The following NUBP1 variants were observed in gnomAD, a reference collection of about 807,000 sequenced individuals.
NUBP1 encodes cytosolic Fe-S cluster assembly factor NUBP1.
Under a neutral mutation model 41.8 loss-of-function variants are expected in NUBP1, and 46 were observed. That is an observed-to-expected ratio of 1.10 (90% CI 0.87 to 1.41). The LOEUF (loss-of-function observed/expected upper bound fraction) is 1.41. NUBP1 is among the 40% of genes most tolerant of loss of function. The pLI, the probability that NUBP1 is intolerant of heterozygous loss-of-function variation, is 0.00. For missense variants in NUBP1, 494 were observed against 414.0 expected (o/e 1.19, Z -1.68); for synonymous variants, 189 against 154.6 (o/e 1.22, Z -1.65).
At chr16:10,743,916 G>GA in intron 1 of NUBP1, 34 bp downstream of exon 1, 5 of 1,578,290 alleles carry the variant, frequency 3.2e-6, no homozygotes, top group Non-Finnish European at 4.3e-6. Flanking sequence ...GTCGCGGGGC[G>GA]AAAGTGTCGG....
In NUBP1 at chr16:10,769,311, T is replaced by C; in HGVS notation, c.*206T>C. 1 of 507,576 alleles carries C rather than the reference T, an allele frequency of 2.0e-6. No individual in the cohort carries two copies. Among genetic ancestry groups the C allele is most frequent in the Non-Finnish European group, 3.5e-6 (1 of 288,304 alleles). The allele number at this position is 507,576 out of a possible 1,614,324, so 31.4% of individuals were successfully genotyped here. On this transcript the variant is annotated 3_prime_UTR_variant, in exon 11 of 11. Coordinates refer to ENST00000283027, the MANE Select transcript of NUBP1 (RefSeq NM_002484.4). ...TAGAACATATATAAAGGGCATTCTC[T>C]ACAAATGTGCCGTTTTAAGAATAAA...
rs2031152508 is a variant in NUBP1 at position 10,767,995 on chromosome 16, T to C, written c.867T>C (p.Asp289=). The change falls in exon 10 of 11, where the codon GAT becomes GAC. Residue 289 remains aspartate (D), a synonymous_variant. Coordinates refer to ENST00000283027, the MANE Select transcript of NUBP1 (RefSeq NM_002484.4). This position sits in a 1 kb window ranked among gnomAD's most constrained non-coding sequence, Gnocchi z 4.6. ...KGQSFFIDAP[D]SPATLAYRSI... ...AGTCTTTTTTCATTGACGCCCCAGA[T>C]TCCCCAGCCACGTTAGCCTACAGAA... 1 of 1,613,982 alleles carries C rather than the reference T, an allele frequency of 6.2e-7. No homozygotes were observed. Among genetic ancestry groups the C allele is most frequent in the African/African-American group, 1.3e-5 (1 of 74,920 alleles).
At chr16:10,756,820 A>G in intron 6 of NUBP1, 40 bp downstream of exon 6, 1 of 1,540,070 alleles carries the variant, frequency 6.5e-7, no homozygotes, top group South Asian at 1.2e-5. Context: ...ACATTCTTCC[A>G]CGAGCGTTGT....
chr16:10,762,718 G>A (rs2030155149), intron 9 of NUBP1, among the ~76,000 whole-genome samples: 2 of 152,074 alleles, frequency 1.3e-5, no homozygotes, highest in Admixed American at 1.3e-4. Context: ...CATTTGTCAG[G>A]GAACCAAGGC....
At chr16:10,762,055 G>A (rs537076237) in intron 9 of NUBP1, 196 bp downstream of exon 9, 1 of 528,342 alleles carries the variant, frequency 1.9e-6, no homozygotes, top group African/African-American at 1.9e-5. Flanking sequence ...CGGGCAGGTA[G>A]CGGGAGCAAG....
At position 10,762,869 on chromosome 16, in the gene NUBP1, C is replaced by T. The variant is rs141199591; in HGVS notation, c.820+1010C>T. Among the ~76,000 whole-genome samples, 31 of 151,784 alleles carry T rather than the reference C, an allele frequency of 2.0e-4. No homozygotes were observed. In the South Asian group the frequency reaches 2.7e-3, roughly 13 times the overall value. Reference sequence around the variant, plus strand: ...CTGGAGGCGGGGAGGGCGGAGGCCACGTGGGGAGCCTTGGGGAAGGGCTGC... The same window carrying T: ...CTGGAGGCGGGGAGGGCGGAGGCCATGTGGGGAGCCTTGGGGAAGGGCTGC... On this transcript the variant is annotated intron_variant, in intron 9 of 10. Coordinates refer to ENST00000283027, the MANE Select transcript of NUBP1 (RefSeq NM_002484.4).
In NUBP1 at chr16:10,757,200, C is replaced by G. The variant is rs530146040; in HGVS notation, c.451+420C>G. ...CCTGTAATCCCAGCTACTCGAGAGGCTGAGGCAGGAGAACCCAGGAGGCGG... is the reference window on the plus strand; with the variant it reads ...CCTGTAATCCCAGCTACTCGAGAGGGTGAGGCAGGAGAACCCAGGAGGCGG... On this transcript the variant is annotated intron_variant, in intron 6 of 10. Transcript: ENST00000283027. This position sits in a 1 kb window ranked among gnomAD's most constrained non-coding sequence, Gnocchi z 4.1. 2.8e-4 allele frequency among the ~76,000 whole-genome samples: 42 copies of G among 152,200 alleles called. No homozygotes were observed. The highest frequency in any genetic ancestry group is 9.6e-4 in the African/African-American group (40 of 41,528).
chr16:10,755,961 TAGCACAAA>T (rs1309929744), intron 5 of NUBP1, among the ~76,000 whole-genome samples: 4 of 152,236 alleles, frequency 2.6e-5, no homozygotes, highest in Non-Finnish European at 4.4e-5. Flanking sequence ...CTTGCTGTTG[TAGCACAAA>T]AGTAGTAATA....
At chr16:10,762,622 T>A (rs922251281) in intron 9 of NUBP1, among the ~76,000 whole-genome samples, 4 of 151,950 alleles carry the variant, frequency 2.6e-5, no homozygotes, top group Admixed American at 6.5e-5. Flanking sequence ...CGCCTTTAGG[T>A]CTGAGGGGAG....
rs2031077999 is a variant in NUBP1 at position 10,767,526 on chromosome 16, T to C, written c.821-423T>C. 2.3e-6 allele frequency: 1 copy of C among 438,844 alleles called. No homozygotes were observed. Among genetic ancestry groups the C allele is most frequent in the South Asian group, 8.0e-5 (1 of 12,506 alleles). 27.2% of individuals were successfully genotyped at this position (438,844 alleles called of 1,614,324 possible). On this transcript the variant is annotated intron_variant, in intron 9 of 10. Transcript: ENST00000283027. The surrounding 1 kb of genome is among the most constrained non-coding windows in gnomAD (Gnocchi z 4.6). ...TGCACATTTATATGCGCATAATCTT[T>C]CTGGAAAGACACCTAGAACACTAGT...
intron 3 of NUBP1, among the ~76,000 whole-genome samples, chr16:10,752,299 G>A (rs765538911): frequency 9.2e-5 from 14 of 152,020 alleles, no homozygotes; most frequent in Non-Finnish European, 1.8e-4. Flanking sequence ...CCCTTTCCCC[G>A]TCTCCTCCAA....
At chr16:10,751,057 G>C (rs1259643257) in intron 3 of NUBP1, among the ~76,000 whole-genome samples, 1 of 152,158 alleles carries the variant, frequency 6.6e-6, no homozygotes, top group Non-Finnish European at 1.5e-5. Flanking sequence ...GGCCGTCCTG[G>C]CCATCTGGGT....
At chr16:10,756,853 C>A in intron 6 of NUBP1, 73 bp downstream of exon 6, 1 of 1,218,256 alleles carries the variant, frequency 8.2e-7, no homozygotes, top group East Asian at 2.7e-5. Context: ...TATCTGCTCC[C>A]TGTCCTGCCA....
chr16:10,744,216 G>C lies in NUBP1; in HGVS notation c.124+151G>C, dbSNP rs574213498. On this transcript the variant is annotated intron_variant, in intron 2 of 10. Coordinates refer to ENST00000283027, the MANE Select transcript of NUBP1 (RefSeq NM_002484.4). ...GAGAGGGGTGGGGCCCAGAAGGGGC[G>C]GGGCGTGGAAAGTGGGCAGGGTGAG... is the stretch of plus-strand genomic sequence containing the variant. 17 of 793,526 alleles carry C rather than the reference G, an allele frequency of 2.1e-5. No homozygotes were observed. In the East Asian group the frequency reaches 4.8e-4, roughly 22 times the overall value. 49.2% of individuals were successfully genotyped at this position (793,526 alleles called of 1,614,324 possible). A position where few individuals can be genotyped will look rare whatever the true frequency, so the allele number is the denominator to read the frequency against.
chr16:10,756,584 T>C (rs2142718937), intron 5 of NUBP1, 106 bp from the exon 6 acceptor site: 2 of 728,960 alleles, frequency 2.7e-6, no homozygotes, highest in Non-Finnish European at 2.2e-6. Flanking sequence ...AGTTTTGTCC[T>C]GAAAATGTTT....
Position 10,757,959 on chromosome 16 carries a change from C to T in NUBP1, c.538C>T (p.His180Tyr). 1 of 1,614,078 alleles carries T rather than the reference C, an allele frequency of 6.2e-7. No homozygotes were observed. The highest frequency in any genetic ancestry group is 8.5e-7 in the Non-Finnish European group (1 of 1,180,018). Reference protein sequence around the residue: ...VDTPPGTSDEHLSVVRYLATA... With the variant: ...VDTPPGTSDEYLSVVRYLATA... ...CACCCCACCTGGGACGTCGGATGAA[C>T]ACCTCTCGGTCGTCCGGTACCTGGC... is the stretch of plus-strand genomic sequence containing the variant. Residue 180 changes from histidine (H) to tyrosine (Y), a missense_variant, in exon 7 of 11, where the codon CAC becomes TAC. Transcript: ENST00000283027. The surrounding 1 kb of genome is among the most constrained non-coding windows in gnomAD (Gnocchi z 4.1).
intron 2 of NUBP1, among the ~76,000 whole-genome samples, chr16:10,746,577 T>C (rs1900074076): frequency 6.6e-6 from 1 of 152,016 alleles, no homozygotes; most frequent in Non-Finnish European, 1.5e-5. Flanking sequence ...ACCGTCTCTA[T>C]TAAAAATACA....
intron 4 of NUBP1, among the ~76,000 whole-genome samples, chr16:10,754,409 T>C (rs2142704465): frequency 6.6e-6 from 1 of 151,840 alleles, no homozygotes; most frequent in Non-Finnish European, 1.5e-5. Context: ...CGTCCAGCTA[T>C]TTTTTGTATT....
chr16:10,752,364 G>A (rs1900358533), intron 3 of NUBP1, among the ~76,000 whole-genome samples: 1 of 152,196 alleles, frequency 6.6e-6, no homozygotes, highest in South Asian at 2.1e-4. Context: ...CTGACAGCCA[G>A]GTCTGTAAGA....
Sources: gnomAD v4.1 joint callset for allele counts (sites outside exome capture counted in the v4.1 genomes callset) on GRCh38, gnomAD v4.1.1 for gene constraint, Gnocchi (gnomAD v3.1) non-coding constraint, MANE v1.5 for transcripts, NCBI Gene and HGNC (gene_info 2026-07-23, HGNC 2026-07-21) for gene names.